The following PTPRD variants were observed in gnomAD, a reference collection of about 807,000 sequenced individuals.
The protein encoded by PTPRD is receptor-type tyrosine-protein phosphatase delta.
PTPRD carries 34 observed loss-of-function variants against 214.5 expected under a neutral mutation model. The observed-to-expected ratio is 0.16, with a 90% CI of 0.12 to 0.21. The LOEUF (loss-of-function observed/expected upper bound fraction) is 0.21. Among genes scored for constraint, PTPRD ranks in the 10% least tolerant of loss-of-function variants. PTPRD has a pLI of 1.00. For synonymous variants in PTPRD, 1,128 were observed against 845.7 expected (o/e 1.33, Z -5.79); for missense variants, 2,545 against 2,398.7 (o/e 1.06, Z -1.27).
At chr9:9,259,686 T>C (rs2099979248) in intron 9 of PTPRD, among the ~76,000 whole-genome samples, 1 of 151,944 alleles carries the variant, frequency 6.6e-6, no homozygotes, top group Non-Finnish European at 1.5e-5. Context: ...AGTGCTTCCC[T>C]CTTTAAGTCA....
intron 3 of PTPRD, among the ~76,000 whole-genome samples, chr9:10,191,213 T>C (rs572998218): frequency 6.6e-6 from 1 of 152,248 alleles, no homozygotes; most frequent in East Asian, 1.9e-4. Flanking sequence ...CACAAAAAGT[T>C]AGGGGTAAAT....
At chr9:9,992,823 A>C (rs2095991616) in intron 4 of PTPRD, among the ~76,000 whole-genome samples, 1 of 152,028 alleles carries the variant, frequency 6.6e-6, no homozygotes, top group Admixed American at 6.6e-5. Flanking sequence ...GGGGGGAGGG[A>C]TAGCATTAGG....
At chr9:9,742,134 T>A (rs986710539) in intron 6 of PTPRD, among the ~76,000 whole-genome samples, 9 of 152,226 alleles carry the variant, frequency 5.9e-5, no homozygotes, top group African/African-American at 2.2e-4. Context: ...TGGTTTTGAT[T>A]TGCATTTCTC....
chr9:9,616,726 C>G (rs1025692501), intron 7 of PTPRD, among the ~76,000 whole-genome samples: 1 of 152,072 alleles, frequency 6.6e-6, no homozygotes, highest in Non-Finnish European at 1.5e-5. Context: ...GAATTATCCA[C>G]CCCTTGTTTA....
intron 8 of PTPRD, among the ~76,000 whole-genome samples, chr9:9,530,517 G>C (rs549036257): frequency 6.6e-5 from 10 of 152,110 alleles, no homozygotes; most frequent in East Asian, 1.9e-4. Context: ...ACAAAGAAAA[G>C]CCCAGGACCA....
intron 7 of PTPRD, among the ~76,000 whole-genome samples, chr9:9,702,227 T>C (rs2097521054): frequency 6.6e-6 from 1 of 152,132 alleles, no homozygotes; most frequent in South Asian, 2.1e-4. Context: ...AACGAAGACA[T>C]AGTTGAAGTC....
chr9:9,276,622 C>G (rs1945754182), intron 9 of PTPRD, among the ~76,000 whole-genome samples: 1 of 151,270 alleles, frequency 6.6e-6, no homozygotes, highest in African/African-American at 2.4e-5. Flanking sequence ...TTACTTGGAT[C>G]TCAGCTTCAT....
intron 3 of PTPRD, among the ~76,000 whole-genome samples, chr9:10,053,726 G>C (rs2097573964): frequency 6.6e-6 from 1 of 152,020 alleles, no homozygotes; most frequent in Admixed American, 6.6e-5. Flanking sequence ...TATGATATTA[G>C]TTCTGTCTTC....
At chr9:8,594,108 T>C (rs2094320488) in intron 14 of PTPRD, among the ~76,000 whole-genome samples, 1 of 152,140 alleles carries the variant, frequency 6.6e-6, no homozygotes, top group South Asian at 2.1e-4. Flanking sequence ...CCACTAATTC[T>C]AGTGTTTGCT....
intron 12 of PTPRD, among the ~76,000 whole-genome samples, chr9:8,684,218 C>A (rs1241133651): frequency 2.0e-5 from 3 of 152,174 alleles, no homozygotes; most frequent in East Asian, 1.9e-4. Context: ...CTGAAACACT[C>A]CCAATGTGAT....
At chr9:8,929,603 G>A (rs2098930140) in intron 11 of PTPRD, among the ~76,000 whole-genome samples, 1 of 151,326 alleles carries the variant, frequency 6.6e-6, no homozygotes, top group Non-Finnish European at 1.5e-5. Context: ...GTATTTTATT[G>A]AGGATTTTTG....
chr9:10,478,950 C>A (rs933553955), intron 2 of PTPRD, among the ~76,000 whole-genome samples: 3 of 151,850 alleles, frequency 2.0e-5, no homozygotes, highest in Non-Finnish European at 1.5e-5. Context: ...ATACATAAAT[C>A]TATTTTTAAG....
At chr9:9,549,295 C>A (rs546019088) in intron 8 of PTPRD, among the ~76,000 whole-genome samples, 17 of 152,082 alleles carry the variant, frequency 1.1e-4, no homozygotes, top group African/African-American at 3.9e-4. Context: ...CGACAAAGGA[C>A]TTGTTTCCAG....
At chr9:8,913,668 T>C (rs1159369257) in intron 11 of PTPRD, among the ~76,000 whole-genome samples, 1 of 152,164 alleles carries the variant, frequency 6.6e-6, no homozygotes, top group African/African-American at 2.4e-5. Flanking sequence ...AAACTTTCCC[T>C]ACCCCATTCC....
intron 3 of PTPRD, among the ~76,000 whole-genome samples, chr9:10,104,679 T>C (rs1019133015): frequency 6.6e-6 from 1 of 151,984 alleles, no homozygotes; most frequent in Admixed American, 6.6e-5. Context: ...CCAGTACTTA[T>C]AAACCAGCTT....
intron 2 of PTPRD, among the ~76,000 whole-genome samples, chr9:10,549,673 G>C (rs1021504842): frequency 2.6e-5 from 4 of 152,138 alleles, no homozygotes; most frequent in Admixed American, 1.3e-4. Context: ...TCCTTAAGGA[G>C]ATTCTAGTCT....
At chr9:10,527,414 A>T (rs903199665) in intron 2 of PTPRD, among the ~76,000 whole-genome samples, 14 of 152,188 alleles carry the variant, frequency 9.2e-5, no homozygotes, top group African/African-American at 3.4e-4. Flanking sequence ...AATACAGATT[A>T]TGTATTCAAT....
intron 3 of PTPRD, among the ~76,000 whole-genome samples, chr9:10,195,080 C>A (rs2099392133): frequency 6.7e-6 from 1 of 150,288 alleles, no homozygotes; most frequent in Non-Finnish European, 1.5e-5. Context: ...CTACAGGCAC[C>A]CGTGACCATA....
chr9:9,394,574 T>C (rs1406850828), intron 9 of PTPRD, among the ~76,000 whole-genome samples: 2 of 152,180 alleles, frequency 1.3e-5, no homozygotes, highest in Non-Finnish European at 2.9e-5. Context: ...ATGATAATAA[T>C]AGCACATATT....
Sources: gnomAD v4.1 joint callset for allele counts (sites outside exome capture counted in the v4.1 genomes callset) on GRCh38, gnomAD v4.1.1 for gene constraint, MANE v1.5 for transcripts, NCBI Gene and HGNC (gene_info 2026-07-23, HGNC 2026-07-21) for gene names.